The following BMPR1B variants were observed in gnomAD, a reference collection of about 807,000 sequenced individuals.
BMPR1B encodes bone morphogenetic protein receptor type-1B.
Under a neutral mutation model 59.1 loss-of-function variants are expected in BMPR1B, and 12 were observed. That is an observed-to-expected ratio of 0.20 (90% CI 0.13 to 0.33). The LOEUF (loss-of-function observed/expected upper bound fraction) is 0.33, where lower values mean the gene tolerates loss of function less well. Ranked by LOEUF, BMPR1B falls within the 10% of genes least tolerant of loss-of-function variation. The pLI is 1.00. For missense variants in BMPR1B, 550 were observed against 610.9 expected, an observed-to-expected ratio of 0.90 and a Z score of 1.05; for synonymous variants, 237 against 207.3, an observed-to-expected ratio of 1.14 and a Z score of -1.23.
At chr4:95,141,118 C>T (rs1214292164) in intron 10 of BMPR1B, among the ~76,000 whole-genome samples, 2 of 152,204 alleles carry the variant, frequency 1.3e-5, no homozygotes, top group Non-Finnish European at 2.9e-5. Context: ...TCAGCATCAT[C>T]TTCCATTACA....
chr4:94,990,414 T>C (rs956056131), intron 2 of BMPR1B, among the ~76,000 whole-genome samples: 1 of 152,166 alleles, frequency 6.6e-6, no homozygotes, highest in African/African-American at 2.4e-5. Flanking sequence ...GCAGCATTAT[T>C]CATAATGGCC....
chr4:94,871,339 G>A (rs1446258680), intron 1 of BMPR1B, among the ~76,000 whole-genome samples: 2 of 152,118 alleles, frequency 1.3e-5, no homozygotes, highest in Admixed American at 6.5e-5. Context: ...GACATGTTTG[G>A]AACATGGAAC....
chr4:94,837,258 A>G (rs1413825495), intron 1 of BMPR1B, among the ~76,000 whole-genome samples: 1 of 149,374 alleles, frequency 6.7e-6, no homozygotes, highest in East Asian at 1.9e-4. Context: ...TTTTGGTTCC[A>G]TATGAACTTT....
At chr4:95,049,998 A>G (rs760436422) in intron 3 of BMPR1B, among the ~76,000 whole-genome samples, 26 of 152,162 alleles carry the variant, frequency 1.7e-4, no homozygotes, top group Middle Eastern at 3.4e-3. Flanking sequence ...TATTGGGGAA[A>G]TGTGAGCAGT....
chr4:95,040,665 C>CT (rs1015420476), intron 3 of BMPR1B, among the ~76,000 whole-genome samples: 4 of 152,180 alleles, frequency 2.6e-5, no homozygotes, highest in Non-Finnish European at 4.4e-5. Flanking sequence ...TAGTGTATAA[C>CT]TTTAACTTGT....
At chr4:94,924,418 A>G (rs1728809380) in intron 2 of BMPR1B, among the ~76,000 whole-genome samples, 1 of 152,136 alleles carries the variant, frequency 6.6e-6, no homozygotes, top group Non-Finnish European at 1.5e-5. Flanking sequence ...TGAATTAGGA[A>G]TAAGGATACT....
At chr4:95,013,206 T>C (rs1404562574) in intron 3 of BMPR1B, among the ~76,000 whole-genome samples, 2 of 151,196 alleles carry the variant, frequency 1.3e-5, no homozygotes, top group African/African-American at 4.9e-5. Flanking sequence ...ACAATGACTA[T>C]ATATCTGTCT....
intron 3 of BMPR1B, among the ~76,000 whole-genome samples, chr4:95,013,502 G>A (rs929742641): frequency 6.6e-6 from 1 of 152,134 alleles, no homozygotes; most frequent in African/African-American, 2.4e-5. Flanking sequence ...GAAAAGGCAT[G>A]AGAAAACAGG....
intron 6 of BMPR1B, among the ~76,000 whole-genome samples, chr4:95,118,214 T>A (rs556998984): frequency 2.6e-5 from 4 of 152,254 alleles, no homozygotes; most frequent in African/African-American, 7.2e-5. Context: ...CTCTGCAGAT[T>A]CTTACCTTTT....
chr4:95,081,472 C>T (rs558036242), intron 3 of BMPR1B, among the ~76,000 whole-genome samples: 1 of 152,296 alleles, frequency 6.6e-6, no homozygotes, highest in East Asian at 1.9e-4. Context: ...AATGATAAAA[C>T]TCAGACTTTC....
intron 3 of BMPR1B, among the ~76,000 whole-genome samples, chr4:95,006,403 C>T (rs1722835352): frequency 6.7e-6 from 1 of 150,268 alleles, no homozygotes; most frequent in African/African-American, 2.4e-5. Context: ...TTTATTTAAT[C>T]CTTATAATAA....
intron 2 of BMPR1B, among the ~76,000 whole-genome samples, chr4:94,919,310 C>T (rs1382451051): frequency 6.6e-6 from 1 of 152,134 alleles, no homozygotes; most frequent in Non-Finnish European, 1.5e-5. Flanking sequence ...AGTTGGCCTT[C>T]TCTTAGAGCA....
intron 1 of BMPR1B, among the ~76,000 whole-genome samples, chr4:94,777,412 G>GC (rs540532648): frequency 6.6e-6 from 1 of 151,996 alleles, no homozygotes; most frequent in Non-Finnish European, 1.5e-5. Context: ...ACAAATACTG[G>GC]CCATTACCTT....
At chr4:94,999,130 G>A (rs1722268669) in intron 3 of BMPR1B, among the ~76,000 whole-genome samples, 1 of 152,018 alleles carries the variant, frequency 6.6e-6, no homozygotes, top group Admixed American at 6.6e-5. Context: ...GTAATATAGT[G>A]TTTTATGTTT....
At chr4:94,985,604 C>T (rs1391938670) in intron 2 of BMPR1B, among the ~76,000 whole-genome samples, 1 of 150,992 alleles carries the variant, frequency 6.6e-6, no homozygotes, top group African/African-American at 2.4e-5. Context: ...TGGAAGACTT[C>T]GTTCTGTTCC....
At chr4:94,961,922 A>G (rs991232030) in intron 2 of BMPR1B, among the ~76,000 whole-genome samples, 7 of 152,268 alleles carry the variant, frequency 4.6e-5, no homozygotes, top group Admixed American at 3.3e-4. Context: ...TTAAACATTG[A>G]TCATTTCTTT....
intron 6 of BMPR1B, 37 bp from the exon 7 acceptor site, chr4:95,123,773 T>C: frequency 2.7e-6 from 4 of 1,459,948 alleles, no homozygotes; most frequent in Non-Finnish European, 3.8e-6. Flanking sequence ...AGTAAAAATA[T>C]TCTCTTGATT....
At chr4:94,847,756 TAG>T (rs1297890941) in intron 1 of BMPR1B, among the ~76,000 whole-genome samples, 2 of 152,024 alleles carry the variant, frequency 1.3e-5, no homozygotes, top group Non-Finnish European at 2.9e-5. Flanking sequence ...CTTGTGGAGA[TAG>T]AGAGTAGAAT....
intron 4 of BMPR1B, among the ~76,000 whole-genome samples, chr4:95,109,452 T>C (rs983336271): frequency 6.6e-6 from 1 of 152,052 alleles, no homozygotes; most frequent in Non-Finnish European, 1.5e-5. Context: ...CTGAGTGTGG[T>C]GGTATGTTTT....
Sources: allele counts gnomAD v4.1 joint callset (sites outside exome capture counted in the v4.1 genomes callset), GRCh38; gene constraint gnomAD v4.1.1; transcripts MANE v1.5; gene names NCBI Gene and HGNC (gene_info 2026-07-23, HGNC 2026-07-21).